Variants in ADGRL3 observed in about 807,000 individuals in gnomAD.
The protein encoded by ADGRL3 is calcium-independent alpha-latrotoxin receptor 3.
Under a neutral mutation model 153.5 loss-of-function variants are expected in ADGRL3, and 62 were observed. That is an observed-to-expected ratio of 0.40 (90% CI 0.33 to 0.50). The LOEUF is 0.50. Among genes scored for constraint, ADGRL3 ranks in the 20% least tolerant of loss-of-function variants. ADGRL3 has a pLI of 0.47. For missense variants in ADGRL3, 1,641 were observed against 1,859.4 expected, an observed-to-expected ratio of 0.88 and a Z score of 2.16; for synonymous variants, 710 against 672.5, an observed-to-expected ratio of 1.06 and a Z score of -0.86.
intron 5 of ADGRL3, among the ~76,000 whole-genome samples, chr4:61,662,240 G>A (rs889655455): frequency 4.6e-5 from 7 of 152,190 alleles, no homozygotes; most frequent in Admixed American, 1.3e-4. Context: ...AGGGCCGGGC[G>A]CAGGAGGAGC....
intron 8 of ADGRL3, among the ~76,000 whole-genome samples, chr4:61,791,405 C>G (rs142947957): frequency 6.6e-6 from 1 of 152,206 alleles, no homozygotes; most frequent in Non-Finnish European, 1.5e-5. Flanking sequence ...CTCCATGTCT[C>G]ACATCCAGGT....
chr4:61,578,877 C>A (rs553569702), intron 4 of ADGRL3, among the ~76,000 whole-genome samples: 1 of 152,164 alleles, frequency 6.6e-6, no homozygotes, highest in Non-Finnish European at 1.5e-5. Context: ...TGTATTCATT[C>A]TTTCTCCAAC....
chr4:61,382,893 C>G (rs2096687473), intron 1 of ADGRL3, among the ~76,000 whole-genome samples: 1 of 151,764 alleles, frequency 6.6e-6, no homozygotes, highest in South Asian at 2.1e-4. Context: ...CCAAATCCAT[C>G]AATTTTCCCA....
intron 4 of ADGRL3, among the ~76,000 whole-genome samples, chr4:61,554,023 T>C (rs1413759467): frequency 6.6e-6 from 1 of 150,970 alleles, no homozygotes; most frequent in African/African-American, 2.4e-5. Context: ...GAGTGAAATC[T>C]GATAAAAGAA....
intron 4 of ADGRL3, among the ~76,000 whole-genome samples, chr4:61,527,302 C>G (rs964117398): frequency 6.6e-6 from 1 of 152,010 alleles, no homozygotes; most frequent in Non-Finnish European, 1.5e-5. Context: ...GGGAGATAAT[C>G]TAGCAGAATT....
intron 21 of ADGRL3, 57 bp from the exon 22 acceptor site, chr4:62,028,798 C>T (rs1222286477): frequency 1.0e-5 from 15 of 1,446,932 alleles, no homozygotes; most frequent in Non-Finnish European, 1.4e-5. Context: ...ATATGAAATT[C>T]TTTGTCATAA....
chr4:61,228,936 T>A (rs561620664), intron 1 of ADGRL3, among the ~76,000 whole-genome samples: 1 of 152,066 alleles, frequency 6.6e-6, no homozygotes, highest in Non-Finnish European at 1.5e-5. Flanking sequence ...AAGCAATCTA[T>A]CCGCCTCAAC....
Position 61,572,062 on chromosome 4 carries a change from T to G in ADGRL3, c.260-15165T>G, listed in dbSNP as rs550226482. On this transcript the variant is annotated intron_variant, in intron 4 of 26. Transcript: ENST00000683033. ...TATGATTTTTCCCAAATGAACTGTT[T>G]GTATGTTTTTGAAGATTTTAATAAT... Among the ~76,000 whole-genome samples the G allele has an allele frequency of 7.9e-5, 12 of 152,260 alleles. 1 individual carries two copies. Among genetic ancestry groups the G allele is most frequent in the African/African-American group, 2.9e-4 (12 of 41,552 alleles).
chr4:61,264,520 C>T (rs1400862170), intron 1 of ADGRL3, among the ~76,000 whole-genome samples: 2 of 152,000 alleles, frequency 1.3e-5, no homozygotes, highest in African/African-American at 4.8e-5. Context: ...AATTCAGATT[C>T]TCTCTCCTTC....
chr4:61,306,844 G>A (rs1170321816), intron 1 of ADGRL3, among the ~76,000 whole-genome samples: 1 of 152,120 alleles, frequency 6.6e-6, no homozygotes, highest in African/African-American at 2.4e-5. Context: ...CTTCACGTGT[G>A]CAACCATTTT....
intron 5 of ADGRL3, among the ~76,000 whole-genome samples, chr4:61,658,760 A>G (rs1396949576): frequency 1.3e-5 from 2 of 151,650 alleles, no homozygotes; most frequent in African/African-American, 2.4e-5. Flanking sequence ...ACCCTCATTC[A>G]TTTCATCAAG....
intron 2 of ADGRL3, among the ~76,000 whole-genome samples, chr4:61,455,586 G>A (rs1277233521): frequency 2.6e-5 from 4 of 151,992 alleles, no homozygotes; most frequent in African/African-American, 9.7e-5. Flanking sequence ...AAATATTCAT[G>A]AGTATAATAT....
At chr4:61,528,157 C>T (rs1369211376) in intron 4 of ADGRL3, among the ~76,000 whole-genome samples, 7 of 152,106 alleles carry the variant, frequency 4.6e-5, no homozygotes, top group Admixed American at 3.3e-4. Flanking sequence ...GAAATAATAA[C>T]GGTCATAACT....
chr4:61,695,071 A>T (rs938101974), intron 6 of ADGRL3, among the ~76,000 whole-genome samples: 2 of 152,104 alleles, frequency 1.3e-5, no homozygotes, highest in African/African-American at 4.8e-5. Context: ...GAAATCTTGA[A>T]CCCTTCAAAT....
At chr4:61,215,166 T>A (rs1742064931) in intron 1 of ADGRL3, among the ~76,000 whole-genome samples, 1 of 152,190 alleles carries the variant, frequency 6.6e-6, no homozygotes, top group African/African-American at 2.4e-5. Context: ...ACGATACATT[T>A]CTAGCAGTCA....
At chr4:61,787,848 G>A (rs1050414018) in intron 8 of ADGRL3, among the ~76,000 whole-genome samples, 5 of 151,724 alleles carry the variant, frequency 3.3e-5, no homozygotes, top group Non-Finnish European at 7.4e-5. Context: ...AAAAAATCCA[G>A]AAAAGGTTTA....
chr4:61,445,881 G>T (rs942467081), intron 2 of ADGRL3, among the ~76,000 whole-genome samples: 1 of 152,184 alleles, frequency 6.6e-6, no homozygotes, highest in African/African-American at 2.4e-5. Flanking sequence ...TAGCCATTGT[G>T]ATACCCTAGC....
intron 13 of ADGRL3, among the ~76,000 whole-genome samples, chr4:61,924,678 A>C (rs1033253884): frequency 4.6e-5 from 7 of 152,194 alleles, no homozygotes; most frequent in Non-Finnish European, 1.0e-4. Flanking sequence ...GCAAACCTTC[A>C]AAAGTTCCAT....
rs771412048 is a variant in ADGRL3, at chr4:61,669,563, A to G, written c.474-7263A>G. ...ATTATATGATGTGGCTTTTTAAATT[A>G]CAAGATATCTGTAAAATATTTTTCT... On this transcript the variant is annotated intron_variant, in intron 5 of 26. Transcript: ENST00000683033. Among the ~76,000 whole-genome samples, 46 of 152,204 alleles carry G rather than the reference A, an allele frequency of 3.0e-4. 1 individual carries two copies. The highest frequency in any genetic ancestry group is 1.2e-4 in the Non-Finnish European group (8 of 68,030).
Sources: allele counts gnomAD v4.1 joint callset (sites outside exome capture counted in the v4.1 genomes callset), GRCh38; gene constraint gnomAD v4.1.1; transcripts MANE v1.5; gene names NCBI Gene and HGNC (gene_info 2026-07-23, HGNC 2026-07-21).